Variants in FOXP1 observed in about 807,000 individuals in gnomAD.
FOXP1 encodes the protein forkhead box protein P1.
FOXP1 carries 15 observed loss-of-function variants against 98.2 expected under a neutral mutation model. That is an observed-to-expected ratio of 0.15 (90% CI 0.10 to 0.24). The LOEUF (loss-of-function observed/expected upper bound fraction) is 0.24, where lower values mean the gene tolerates loss of function less well. Ranked by LOEUF, FOXP1 falls within the 10% of genes least tolerant of loss-of-function variation. The pLI, the probability that FOXP1 is intolerant of heterozygous loss-of-function variation, is 1.00. For synonymous variants in FOXP1, 371 were observed against 314.5 expected, an observed-to-expected ratio of 1.18 and a Z score of -1.90; for missense variants, 633 against 848.5, an observed-to-expected ratio of 0.75 and a Z score of 3.15.
intron 3 of FOXP1, among the ~76,000 whole-genome samples, chr3:71,391,726 G>T (rs1050312543): frequency 7.9e-5 from 12 of 152,180 alleles, no homozygotes; most frequent in African/African-American, 2.9e-4. Context: ...CATTTTCCTT[G>T]TTGGCACAGT....
chr3:71,574,854 G>A (rs767552722), intron 2 of FOXP1, among the ~76,000 whole-genome samples: 40 of 152,208 alleles, frequency 2.6e-4, no homozygotes, highest in Admixed American at 7.2e-4. Context: ...TTATTGAACT[G>A]TGAGGCTCTT....
At position 71,196,623 on chromosome 3, in the gene FOXP1, A is replaced by AT. The variant is rs572893485; in HGVS notation, c.180+1578dup. 6.7e-4 allele frequency among the ~76,000 whole-genome samples: 102 copies of AT among 152,354 alleles called. 1 individual carries two copies. Among genetic ancestry groups the AT allele is most frequent in the African/African-American group, 2.4e-3 (98 of 41,590 alleles). ...CACTTGTCTGGTAAGGGCACAGAAG[A>AT]TAGCATTCAGCAACATTAACTATTT... is the stretch of plus-strand genomic sequence containing the variant. On this transcript the variant is annotated intron_variant, in intron 6 of 20. Coordinates refer to ENST00000649528, the MANE Select transcript of FOXP1 (RefSeq NM_001349338.3).
At chr3:71,105,168 A>G (rs992344710) in intron 7 of FOXP1, among the ~76,000 whole-genome samples, 2 of 151,730 alleles carry the variant, frequency 1.3e-5, no homozygotes, top group African/African-American at 4.8e-5. Context: ...CATGCCCCTA[A>G]CTCCTTAATC....
chr3:71,282,913 T>C (rs921373052), intron 5 of FOXP1, among the ~76,000 whole-genome samples: 3 of 152,176 alleles, frequency 2.0e-5, no homozygotes, highest in Non-Finnish European at 4.4e-5. Flanking sequence ...AAGCTATACC[T>C]TCATCATGTC....
chr3:71,247,958 T>C (rs1358948856), intron 5 of FOXP1, among the ~76,000 whole-genome samples: 6 of 152,142 alleles, frequency 3.9e-5, no homozygotes, highest in Admixed American at 3.9e-4. Flanking sequence ...TTTAAATGCA[T>C]GAATCGGGCT....
At chr3:71,240,499 A>G (rs567636920) in intron 5 of FOXP1, among the ~76,000 whole-genome samples, 10 of 152,302 alleles carry the variant, frequency 6.6e-5, no homozygotes, top group Admixed American at 3.3e-4. Context: ...GGGAAAAAAG[A>G]AGTTCCTTTT....
rs12493073 is a variant in FOXP1, at chr3:71,381,186, T to A, written c.-167-21942A>T. Among the ~76,000 whole-genome samples the A allele has an allele frequency of 1.1e-3, 172 of 151,184 alleles. 1 individual carries two copies. In the East Asian group the frequency reaches 0.013, roughly 11 times the overall value. On this transcript the variant is annotated intron_variant, in intron 3 of 20. Transcript: ENST00000649528. The stretch of plus-strand genomic sequence containing the variant: ...TTTTTTTTGAGATGGAGTCTTGCTC[T>A]GTCGCCCAGGCTGGAGTTCAGTGAT...
chr3:71,405,738 A>T (rs80267222), intron 3 of FOXP1, among the ~76,000 whole-genome samples: 27,292 of 150,688 alleles, frequency 0.18, 2,659 homozygotes, highest in South Asian at 0.31. Flanking sequence ...TTATTTATTT[A>T]TTTTTTTGAG....
chr3:71,550,814 C>A (rs1376746193), intron 2 of FOXP1, among the ~76,000 whole-genome samples: 1 of 152,194 alleles, frequency 6.6e-6, no homozygotes, highest in Non-Finnish European at 1.5e-5. Flanking sequence ...TTATACCACT[C>A]CGCAGCATAC....
intron 3 of FOXP1, among the ~76,000 whole-genome samples, chr3:71,400,460 C>G (rs1004313289): frequency 6.6e-6 from 1 of 152,018 alleles, no homozygotes; most frequent in Non-Finnish European, 1.5e-5. Flanking sequence ...TGGGTTCAAT[C>G]GATTCTCGTG....
chr3:71,547,084 G>C (rs912503894), intron 2 of FOXP1, among the ~76,000 whole-genome samples: 1 of 152,122 alleles, frequency 6.6e-6, no homozygotes, highest in Non-Finnish European at 1.5e-5. Flanking sequence ...TCAGTTTTAG[G>C]AAATAAAACT....
chr3:71,176,948 A>G (rs953282182), intron 6 of FOXP1, among the ~76,000 whole-genome samples: 1 of 151,936 alleles, frequency 6.6e-6, no homozygotes, highest in Admixed American at 6.6e-5. Context: ...CTGTAGTCCC[A>G]GCTACTAAGG....
intron 4 of FOXP1, among the ~76,000 whole-genome samples, chr3:71,323,523 C>T (rs149029261): frequency 1.6e-3 from 246 of 152,094 alleles, no homozygotes; most frequent in African/African-American, 5.7e-3. Flanking sequence ...TGTCCCAGGG[C>T]AATAAGGACC....
At chr3:71,455,149 C>T (rs565170973) in intron 3 of FOXP1, among the ~76,000 whole-genome samples, 22 of 152,214 alleles carry the variant, frequency 1.4e-4, no homozygotes, top group African/African-American at 4.3e-4. Flanking sequence ...CTCGGTAACA[C>T]ATGCATTCAC....
chr3:71,294,532 C>T (rs1279222654), intron 5 of FOXP1, among the ~76,000 whole-genome samples: 2 of 152,160 alleles, frequency 1.3e-5, no homozygotes, highest in African/African-American at 4.8e-5. Flanking sequence ...GTCCTTCTTA[C>T]ACGGTGCTAT....
chr3:71,049,326 G>A (rs1427414649), intron 9 of FOXP1, among the ~76,000 whole-genome samples: 5 of 152,126 alleles, frequency 3.3e-5, no homozygotes, highest in African/African-American at 1.2e-4. Context: ...ACCCGCACAG[G>A]ATGGAATCTT....
At chr3:71,465,009 G>A (rs534137128) in intron 3 of FOXP1, among the ~76,000 whole-genome samples, 1 of 151,996 alleles carries the variant, frequency 6.6e-6, no homozygotes, top group East Asian at 1.9e-4. Flanking sequence ...TAAGCACTTA[G>A]AAGATGGCCA....
intron 3 of FOXP1, among the ~76,000 whole-genome samples, chr3:71,374,804 T>A (rs35998013): frequency 0.28 from 43,183 of 152,066 alleles, 7,002 homozygotes; most frequent in Middle Eastern, 0.38. Flanking sequence ...CATGATGTGC[T>A]AGTAAAATAG....
chr3:71,348,100 G>T (rs2077488026), intron 4 of FOXP1, among the ~76,000 whole-genome samples: 1 of 152,110 alleles, frequency 6.6e-6, no homozygotes, highest in African/African-American at 2.4e-5. Flanking sequence ...TACTGTAATA[G>T]AAGTTATGTG....
Sources: allele counts gnomAD v4.1 joint callset (sites outside exome capture counted in the v4.1 genomes callset), GRCh38; gene constraint gnomAD v4.1.1; transcripts MANE v1.5; gene names NCBI Gene and HGNC (gene_info 2026-07-23, HGNC 2026-07-21).